RALA: variants seen among roughly 807,000 people sequenced by gnomAD.
RALA encodes ras-related protein Ral-A.
Under a neutral mutation model 24.0 loss-of-function variants are expected in RALA, and 5 were observed. That is an observed-to-expected ratio of 0.21 (90% CI 0.11 to 0.44). RALA has a LOEUF of 0.44. RALA is among the 20% of genes least tolerant of loss of function. RALA has a pLI of 0.99. For synonymous variants in RALA, 77 were observed against 83.8 expected, an observed-to-expected ratio of 0.92 and a Z score of 0.44; for missense variants, 95 against 241.2, an observed-to-expected ratio of 0.39 and a Z score of 4.01.
chr7:39,681,300 T>C (rs1792594462), intron 1 of RALA, among the ~76,000 whole-genome samples: 1 of 130,850 alleles, frequency 7.6e-6, no homozygotes, highest in African/African-American at 2.9e-5. Context: ...CCCACCCTAT[T>C]CCTTTTTTTT....
chr7:39,627,519 GGT>G (rs1380505027), intron 1 of RALA, among the ~76,000 whole-genome samples: 2 of 152,290 alleles, frequency 1.3e-5, no homozygotes, highest in East Asian at 3.9e-4. Flanking sequence ...GTCAGGGTTT[GGT>G]AATGTTATTT....
chr7:39,635,842 C>T (rs1343628955), intron 1 of RALA, among the ~76,000 whole-genome samples: 8 of 152,186 alleles, frequency 5.3e-5, no homozygotes, highest in Non-Finnish European at 1.2e-4. Context: ...TCCTGCTGTG[C>T]GGCCCAGTTC....
At chr7:39,678,255 G>A (rs928934522) in intron 1 of RALA, among the ~76,000 whole-genome samples, 1 of 151,828 alleles carries the variant, frequency 6.6e-6, no homozygotes, top group Admixed American at 6.6e-5. Context: ...CAGAATAAAT[G>A]TGTGTTGTTT....
intron 1 of RALA, among the ~76,000 whole-genome samples, chr7:39,656,128 T>C (rs1331996630): frequency 1.3e-5 from 2 of 152,210 alleles, no homozygotes; most frequent in Admixed American, 6.5e-5. Flanking sequence ...TATTCAGATA[T>C]CTTAAATTTA....
At chr7:39,706,080 A>C in intron 4 of RALA, 43 bp from the exon 5 acceptor site, 1 of 1,534,396 alleles carries the variant, frequency 6.5e-7, no homozygotes, top group Non-Finnish European at 8.9e-7. Flanking sequence ...TACCAAGTTC[A>C]TGTATCTGTT....
intron 1 of RALA, among the ~76,000 whole-genome samples, chr7:39,685,081 G>A (rs1792674955): frequency 6.6e-6 from 1 of 152,086 alleles, no homozygotes; most frequent in Non-Finnish European, 1.5e-5. Flanking sequence ...CAATTACTTT[G>A]GCGCCAACCT....
chr7:39,681,583 C>T (rs1792604510), intron 1 of RALA, among the ~76,000 whole-genome samples: 1 of 152,124 alleles, frequency 6.6e-6, no homozygotes, highest in South Asian at 2.1e-4. Context: ...TCACCTCAGT[C>T]GGTCGGCAGG....
At chr7:39,632,302 G>A (rs1046939952) in intron 1 of RALA, among the ~76,000 whole-genome samples, 1 of 151,948 alleles carries the variant, frequency 6.6e-6, no homozygotes, top group African/African-American at 2.4e-5. Context: ...TTCTTTTCCA[G>A]TGTTTATGCC....
intron 1 of RALA, among the ~76,000 whole-genome samples, chr7:39,671,602 G>C (rs537971154): frequency 2.0e-3 from 302 of 152,238 alleles, no homozygotes; most frequent in African/African-American, 6.9e-3. Context: ...AACCCAGGGA[G>C]ATAAAACTCG....
rs1793113889 is a variant in RALA, at chr7:39,705,881, G to A, written c.499-242G>A. Among the ~76,000 whole-genome samples, 3 of 152,006 alleles carry A rather than the reference G, an allele frequency of 2.0e-5. No individual in the cohort carries two copies. The South Asian group carries it at 6.2e-4, about 32-fold the overall frequency. On this transcript the variant is annotated intron_variant, in intron 4 of 4. Coordinates refer to ENST00000005257, the MANE Select transcript of RALA (RefSeq NM_005402.4). The stretch of plus-strand genomic sequence containing the variant: ...CTCGAAAACTGGAACAGAAAGATCA[G>A]GTTTTATTACATATGAACATTTTTA...
At chr7:39,681,568 A>G (rs188337614) in intron 1 of RALA, among the ~76,000 whole-genome samples, 110 of 151,822 alleles carry the variant, frequency 7.2e-4, no homozygotes, top group Non-Finnish European at 2.2e-4. Flanking sequence ...GTCTCTCCTC[A>G]TATCTCACCT....
intron 3 of RALA, among the ~76,000 whole-genome samples, chr7:39,694,034 A>G (rs1057265916): frequency 3.9e-5 from 6 of 152,232 alleles, no homozygotes; most frequent in African/African-American, 1.4e-4. Flanking sequence ...ACACTACCTC[A>G]TACTCATGCA....
At chr7:39,668,997 C>T (rs1792334225) in intron 1 of RALA, among the ~76,000 whole-genome samples, 1 of 151,732 alleles carries the variant, frequency 6.6e-6, no homozygotes, top group Non-Finnish European at 1.5e-5. Context: ...GCCTGTAGTC[C>T]CAGCTACTCA....
chr7:39,703,068 C>T (rs1032986956), intron 4 of RALA: 3 of 152,128 alleles, frequency 2.0e-5, no homozygotes, highest in African/African-American at 7.2e-5. Flanking sequence ...AGTCACTGTA[C>T]GTTATATGTT....
intron 4 of RALA, chr7:39,697,638 T>A (rs1792945603): frequency 1.3e-5 from 4 of 300,570 alleles, no homozygotes; most frequent in Admixed American, 1.2e-4. Context: ...AAACACACAT[T>A]CTTGGGTCTT....
intron 1 of RALA, among the ~76,000 whole-genome samples, chr7:39,634,961 T>C (rs1197100409): frequency 6.6e-6 from 1 of 152,238 alleles, no homozygotes; most frequent in Admixed American, 6.5e-5. Flanking sequence ...TTTATTTCCT[T>C]TGCTTATTAT....
At chr7:39,662,100 A>G (rs914409436) in intron 1 of RALA, among the ~76,000 whole-genome samples, 4 of 152,104 alleles carry the variant, frequency 2.6e-5, no homozygotes, top group African/African-American at 9.7e-5. Context: ...GCTGGGAGGT[A>G]GGGCACCAAG....
At chr7:39,630,638 A>G (rs1331440895) in intron 1 of RALA, among the ~76,000 whole-genome samples, 1 of 152,120 alleles carries the variant, frequency 6.6e-6, no homozygotes, top group Non-Finnish European at 1.5e-5. Context: ...TGGTACTCAT[A>G]TAGTTTCATT....
At chr7:39,676,254 C>T (rs552632910) in intron 1 of RALA, among the ~76,000 whole-genome samples, 82 of 152,276 alleles carry the variant, frequency 5.4e-4, no homozygotes, top group African/African-American at 1.8e-3. Context: ...GGATTACAGG[C>T]ATGAGCCACC....
Sources: allele counts gnomAD v4.1 joint callset (sites outside exome capture counted in the v4.1 genomes callset), GRCh38; gene constraint gnomAD v4.1.1; transcripts MANE v1.5; gene names NCBI Gene and HGNC (gene_info 2026-07-23, HGNC 2026-07-21).